Variants in GAB2 observed in about 807,000 individuals in gnomAD.
GAB2 encodes GRB2-associated-binding protein 2.
A neutral mutation model predicts 65.5 loss-of-function variants in GAB2; 26 were observed. That is an observed-to-expected ratio of 0.40 (90% CI 0.29 to 0.55). The LOEUF is 0.55. GAB2 is among the 20% of genes least tolerant of loss of function. The pLI, the probability that GAB2 is intolerant of heterozygous loss-of-function variation, is 0.53. For missense variants in GAB2, 884 were observed against 875.8 expected (o/e 1.01, Z -0.12); for synonymous variants, 321 against 329.6 (o/e 0.97, Z 0.28).
chr11:78,253,951 C>A (rs1375976799), intron 2 of GAB2, among the ~76,000 whole-genome samples: 2 of 152,192 alleles, frequency 1.3e-5, no homozygotes, highest in Non-Finnish European at 2.9e-5. Context: ...TCATCAAATG[C>A]ATCCTTCATG....
At chr11:78,359,147 T>G (rs537233365) in intron 1 of GAB2, among the ~76,000 whole-genome samples, 2 of 152,204 alleles carry the variant, frequency 1.3e-5, no homozygotes, top group Admixed American at 6.5e-5. Flanking sequence ...GTAACTGAAG[T>G]TCAATAATTA....
intron 1 of GAB2, among the ~76,000 whole-genome samples, chr11:78,414,863 A>T (rs1402433371): frequency 6.6e-6 from 1 of 152,062 alleles, no homozygotes; most frequent in Non-Finnish European, 1.5e-5. Flanking sequence ...GTCTTTCCGA[A>T]TTAAGTAAGT....
At chr11:78,255,070 G>T (rs1397771866) in intron 2 of GAB2, among the ~76,000 whole-genome samples, 1 of 152,068 alleles carries the variant, frequency 6.6e-6, no homozygotes, top group Non-Finnish European at 1.5e-5. Flanking sequence ...CTGGATTAGG[G>T]TGGGCCCTCA....
In GAB2 at chr11:78,250,361, C is replaced by T. The variant is rs373423291; in HGVS notation, c.416G>A (p.Arg139His). Reference protein sequence around the residue: ...RNVSSAGHGPRSSPAELSSSS... With the variant: ...RNVSSAGHGPHSSPAELSSSS... ...GCTGCTGAGCTCAGCTGGAGAAGAG[C>T]GGGGGCCATGACCGGCTGAGGAAAC... is the stretch of plus-strand genomic sequence containing the variant. The change falls in exon 3 of 10, where the codon CGC (arginine) becomes CAC (histidine). Residue 139 changes from arginine to histidine, a missense_variant. By Grantham distance (29) the Arg-to-His change is conservative. Transcript: ENST00000361507. 1.3e-5 allele frequency: 21 copies of T among 1,612,666 alleles called. No homozygotes were observed. Among genetic ancestry groups the T allele is most frequent in the Admixed American group, 5.0e-5 (3 of 59,854 alleles).
At chr11:78,407,643 AAG>A (rs1857063400) in intron 1 of GAB2, among the ~76,000 whole-genome samples, 1 of 133,796 alleles carries the variant, frequency 7.5e-6, no homozygotes. Context: ...CAAAGAAAGA[AAG>A]AAAGAAAGAA....
At chr11:78,275,254 G>A (rs902408846) in intron 2 of GAB2, among the ~76,000 whole-genome samples, 12 of 152,062 alleles carry the variant, frequency 7.9e-5, no homozygotes, top group South Asian at 2.1e-4. Context: ...GTGGGTAGAC[G>A]GAGAAGATTT....
At chr11:78,395,313 G>A (rs1354028909) in intron 1 of GAB2, among the ~76,000 whole-genome samples, 1 of 152,252 alleles carries the variant, frequency 6.6e-6, no homozygotes, top group African/African-American at 2.4e-5. Flanking sequence ...AATTAGCTGT[G>A]TGTGGTGGCA....
At chr11:78,391,684 T>G (rs1261334448) in intron 1 of GAB2, among the ~76,000 whole-genome samples, 1 of 152,180 alleles carries the variant, frequency 6.6e-6, no homozygotes, top group East Asian at 1.9e-4. Flanking sequence ...AGTGATGCTT[T>G]CGGAGGATTC....
chr11:78,244,708 C>T (rs963258167), intron 3 of GAB2, among the ~76,000 whole-genome samples: 3 of 134,484 alleles, frequency 2.2e-5, no homozygotes, highest in African/African-American at 8.4e-5. Flanking sequence ...CACTAATCAG[C>T]AGGGAAATGC....
intron 1 of GAB2, among the ~76,000 whole-genome samples, chr11:78,309,776 C>G (rs1855448342): frequency 6.6e-6 from 1 of 152,120 alleles, no homozygotes; most frequent in Non-Finnish European, 1.5e-5. Flanking sequence ...CTGCTTTTCT[C>G]AGGATATAGA....
rs55716895 is a variant in GAB2 at position 78,227,631 on chromosome 11, C to CAAAAAAAAAA, written c.621-590_621-581dup. On this transcript the variant is annotated intron_variant, in intron 3 of 9. Transcript: ENST00000361507. ...GAACACAATAAGACTCCATTGCCAC[C>CAAAAAAAAAA]AAAAAAAAAAAAAAAAGAACTAGCT... Among the ~76,000 whole-genome samples, 395 of 105,928 alleles carry CAAAAAAAAAA rather than the reference C, an allele frequency of 3.7e-3. 4 individuals are homozygous for CAAAAAAAAAA. Among genetic ancestry groups the CAAAAAAAAAA allele is most frequent in the Middle Eastern group, 0.01 (2 of 198 alleles). 69.5% of individuals were successfully genotyped at this position (105,928 alleles called of 152,430 possible).
intron 1 of GAB2, among the ~76,000 whole-genome samples, chr11:78,393,569 T>G (rs1242400051): frequency 2.0e-5 from 3 of 152,236 alleles, no homozygotes; most frequent in African/African-American, 7.2e-5. Flanking sequence ...CAATTTGGTA[T>G]GATGCATCAA....
intron 1 of GAB2, among the ~76,000 whole-genome samples, chr11:78,328,316 T>C (rs935747401): frequency 6.6e-6 from 1 of 152,116 alleles, no homozygotes; most frequent in African/African-American, 2.4e-5. Flanking sequence ...TAAGCAGCCA[T>C]CAAAAACACT....
intron 1 of GAB2, among the ~76,000 whole-genome samples, chr11:78,296,322 G>T (rs1438803297): frequency 6.6e-6 from 1 of 152,078 alleles, no homozygotes; most frequent in African/African-American, 2.4e-5. Context: ...TTTATCAATC[G>T]GTCAATACAT....
chr11:78,320,124 G>C lies in GAB2; in HGVS notation c.76-39223C>G, dbSNP rs1004527582. The stretch of plus-strand genomic sequence containing the variant: ...CCTGGCCTCGATCTGCCCCTGCTTG[G>C]CCTCTCAAAGTGCGGGGATTACAGG... On this transcript the variant is annotated intron_variant, in intron 1 of 9. Transcript: ENST00000361507. Among the ~76,000 whole-genome samples, 3 of 152,182 alleles carry C rather than the reference G, an allele frequency of 2.0e-5. No individual in the cohort carries two copies. The East Asian group carries it at 5.8e-4, about 29-fold the overall frequency.
rs762899237 is a variant in GAB2 at position 78,275,567 on chromosome 11, GAT to G, written c.376+5032_376+5033del. The stretch of plus-strand genomic sequence containing the variant: ...TGTGACTGAATCTTTTAACATACCA[GAT>G]TCTCCTCTGAGATAGAAGAAAAGCC... On this transcript the variant is annotated intron_variant, in intron 2 of 9. Coordinates refer to ENST00000361507, the MANE Select transcript of GAB2 (RefSeq NM_080491.3). 1.0e-3 allele frequency among the ~76,000 whole-genome samples: 156 copies of G among 152,206 alleles called. 1 individual carries two copies. The highest frequency in any genetic ancestry group is 1.8e-3 in the Non-Finnish European group (121 of 67,994).
rs144443221 is a variant in GAB2 at position 78,219,398 on chromosome 11, G to T, written c.1905C>A (p.Val635=). ...SPHRKPSTSS[V]TSDEKVDYVQ... ...CGTAGTCCACCTTCTCATCAGAGGT[G>T]ACGGATGAAGTAGATGGCTGAGGGG... Residue 635 remains valine (V), a synonymous_variant, in exon 10 of 10, where the codon GTC becomes GTA. Transcript: ENST00000361507. The T allele has an allele frequency of 8.7e-6, 14 of 1,613,822 alleles. No individual in the cohort carries two copies. The African/African-American group carries it at 1.7e-4, about 20-fold the overall frequency.
At chr11:78,226,017 G>T (rs556361178) in intron 4 of GAB2, among the ~76,000 whole-genome samples, 6 of 152,338 alleles carry the variant, frequency 3.9e-5, no homozygotes, top group Admixed American at 2.0e-4. Context: ...CAACCAAAGA[G>T]ATTCAAGTAT....
chr11:78,277,367 C>T (rs2134578660), intron 2 of GAB2, among the ~76,000 whole-genome samples: 1 of 152,280 alleles, frequency 6.6e-6, no homozygotes, highest in Non-Finnish European at 1.5e-5. Flanking sequence ...CTCCTGCCCC[C>T]ATCTCACCAG....
Sources: gnomAD v4.1 joint callset for allele counts (sites outside exome capture counted in the v4.1 genomes callset) on GRCh38, gnomAD v4.1.1 for gene constraint, MANE v1.5 for transcripts, NCBI Gene and HGNC (gene_info 2026-07-23, HGNC 2026-07-21) for gene names.